EXOC6B: variants seen among roughly 807,000 people sequenced by gnomAD.
EXOC6B encodes the protein exocyst complex component 6B.
A neutral mutation model predicts 113.5 loss-of-function variants in EXOC6B; 54 were observed. That is an observed-to-expected ratio of 0.48 (90% CI 0.38 to 0.60). The LOEUF is 0.60. EXOC6B is among the 20% of genes least tolerant of loss of function. The probability of loss-of-function intolerance (pLI) is 0.00; values close to 1 mark genes in which losing one functional copy is unlikely to be tolerated. For synonymous variants in EXOC6B, 357 were observed against 339.0 expected (o/e 1.05, Z -0.58); for missense variants, 797 against 977.5 (o/e 0.82, Z 2.46).
intron 11 of EXOC6B, among the ~76,000 whole-genome samples, chr2:72,505,807 C>A (rs1700566142): frequency 6.6e-6 from 1 of 152,064 alleles, no homozygotes; most frequent in African/African-American, 2.4e-5. Flanking sequence ...TTAAGGAATT[C>A]TCTCCAGTTT....
chr2:72,795,835 G>A (rs1355089941), intron 1 of EXOC6B, among the ~76,000 whole-genome samples: 1 of 151,918 alleles, frequency 6.6e-6, no homozygotes, highest in Admixed American at 6.6e-5. Context: ...TTGTGTGTGT[G>A]TTCGTTTTTG....
At chr2:72,522,141 C>T (rs1701523130) in intron 8 of EXOC6B, among the ~76,000 whole-genome samples, 1 of 152,020 alleles carries the variant, frequency 6.6e-6, no homozygotes. Context: ...GCTAAATAAC[C>T]ACAGCACATA....
chr2:72,773,115 A>ATTTTTTTTTTTTTTT (rs1683493598), intron 1 of EXOC6B, among the ~76,000 whole-genome samples: 2 of 118,260 alleles, frequency 1.7e-5, no homozygotes, highest in African/African-American at 7.4e-5. Context: ...TAGACCTTAG[A>ATTTTTTTTTTTTTTT]TTTTCTTTTT....
intron 6 of EXOC6B, among the ~76,000 whole-genome samples, chr2:72,611,489 A>C (rs1277600940): frequency 2.6e-5 from 4 of 152,208 alleles, no homozygotes; most frequent in Admixed American, 6.5e-5. Context: ...TCCTGAAACA[A>C]AAAGAGAGTA....
At chr2:72,655,597 T>C (rs981443165) in intron 6 of EXOC6B, among the ~76,000 whole-genome samples, 1 of 152,012 alleles carries the variant, frequency 6.6e-6, no homozygotes, top group Non-Finnish European at 1.5e-5. Flanking sequence ...AAAGTACATG[T>C]ATTCAAAGAT....
intron 1 of EXOC6B, among the ~76,000 whole-genome samples, chr2:72,815,132 G>A (rs1686153368): frequency 1.3e-5 from 2 of 151,968 alleles, no homozygotes; most frequent in Admixed American, 6.6e-5. Flanking sequence ...GTACATACTC[G>A]TCATGCATTT....
At chr2:72,748,529 A>G (rs1681841419) in intron 1 of EXOC6B, among the ~76,000 whole-genome samples, 1 of 152,072 alleles carries the variant, frequency 6.6e-6, no homozygotes, top group Non-Finnish European at 1.5e-5. Flanking sequence ...CATCAATGAC[A>G]GGAGAAGCAT....
intron 6 of EXOC6B, among the ~76,000 whole-genome samples, chr2:72,641,219 G>C (rs150400900): frequency 1.3e-5 from 2 of 152,206 alleles, no homozygotes; most frequent in African/African-American, 4.8e-5. Context: ...TGGTTGGACA[G>C]TGGGTGCAGC....
At chr2:72,260,520 T>G (rs1346950134) in intron 20 of EXOC6B, among the ~76,000 whole-genome samples, 1 of 152,160 alleles carries the variant, frequency 6.6e-6, no homozygotes, top group East Asian at 1.9e-4. Flanking sequence ...AAGATTCCCT[T>G]TTCCTGCCCC....
intron 8 of EXOC6B, among the ~76,000 whole-genome samples, chr2:72,545,420 GTTCCAATTCTTAACACTAAAT>G (rs1321519396): frequency 6.6e-6 from 1 of 151,958 alleles, no homozygotes; most frequent in East Asian, 1.9e-4. Context: ...TTAAGTGTAT[GTTCCAATTCTTAACACTAAAT>G]TTATGGGTTA....
chr2:72,187,262 G>C (rs1678499768), intron 20 of EXOC6B, among the ~76,000 whole-genome samples: 1 of 152,022 alleles, frequency 6.6e-6, no homozygotes, highest in Non-Finnish European at 1.5e-5. Flanking sequence ...GGAGCTCCCA[G>C]GTCTGGGCTC....
At chr2:72,381,809 C>T (rs1044819455) in intron 18 of EXOC6B, among the ~76,000 whole-genome samples, 5 of 152,128 alleles carry the variant, frequency 3.3e-5, no homozygotes, top group Admixed American at 6.5e-5. Context: ...TAATCACCAG[C>T]AGTTTTATAA....
intron 6 of EXOC6B, among the ~76,000 whole-genome samples, chr2:72,625,198 G>A (rs1295010224): frequency 1.3e-5 from 2 of 151,380 alleles, no homozygotes; most frequent in African/African-American, 2.4e-5. Context: ...TTACAGGCAT[G>A]AGCCACCACA....
At chr2:72,211,969 C>T (rs1348317812) in intron 20 of EXOC6B, among the ~76,000 whole-genome samples, 1 of 152,036 alleles carries the variant, frequency 6.6e-6, no homozygotes, top group Admixed American at 6.6e-5. Context: ...CTCTAATGAG[C>T]CATGAGCCTC....
rs771046131 is a variant in EXOC6B, at chr2:72,492,034, G to A, written c.1665+284C>T. ...ATATTCTACAAACAAAAATATTTGT[G>A]TATAATCAATGCCAGGTAACAGAAA... On this transcript the variant is annotated intron_variant, in intron 16 of 21. Coordinates refer to ENST00000272427, the MANE Select transcript of EXOC6B (RefSeq NM_015189.3). Among the ~76,000 whole-genome samples, 21 of 151,140 alleles carry A rather than the reference G, an allele frequency of 1.4e-4. No individual in the cohort carries two copies. In the South Asian group the frequency reaches 3.5e-3, roughly 25 times the overall value.
chr2:72,264,786 T>C (rs887628230), intron 20 of EXOC6B, among the ~76,000 whole-genome samples: 2 of 152,054 alleles, frequency 1.3e-5, no homozygotes, highest in Admixed American at 6.6e-5. Flanking sequence ...GCATTTCCCC[T>C]ACTGCCTCTC....
Position 72,583,569 on chromosome 2 carries a change from G to A in EXOC6B, c.670-7901C>T, listed in dbSNP as rs74645401. Among the ~76,000 whole-genome samples, 800 of 152,254 alleles carry A rather than the reference G, an allele frequency of 5.3e-3. 14 individuals carry two copies. The highest frequency in any genetic ancestry group is 0.018 in the African/African-American group (738 of 41,558). On this transcript the variant is annotated intron_variant, in intron 6 of 21. Transcript: ENST00000272427. ...AAATATTTTCAGTATTGTTACAGAA[G>A]AGAAACTCGAACCAAGAATTTGATA... is the stretch of plus-strand genomic sequence containing the variant.
chr2:72,742,975 C>T (rs755227135), intron 1 of EXOC6B, among the ~76,000 whole-genome samples: 9 of 152,256 alleles, frequency 5.9e-5, no homozygotes, highest in Non-Finnish European at 1.3e-4. Flanking sequence ...TCTCCACTCC[C>T]ATACCTGTTC....
At chr2:72,564,985 CCTTA>C (rs1355831264) in intron 7 of EXOC6B, among the ~76,000 whole-genome samples, 9 of 152,120 alleles carry the variant, frequency 5.9e-5, no homozygotes, top group Admixed American at 5.9e-4. Flanking sequence ...CACCATTTCT[CCTTA>C]CTGAGGCACT....
Sources: allele counts gnomAD v4.1 joint callset (sites outside exome capture counted in the v4.1 genomes callset), GRCh38; gene constraint gnomAD v4.1.1; transcripts MANE v1.5; gene names NCBI Gene and HGNC (gene_info 2026-07-23, HGNC 2026-07-21).